ZNF410: variants seen among roughly 807,000 people sequenced by gnomAD.
The protein encoded by ZNF410 is another partner for ARF 1.
A neutral mutation model predicts 54.8 loss-of-function variants in ZNF410; 18 were observed. That is an observed-to-expected ratio of 0.33 (90% confidence interval 0.23 to 0.49). The LOEUF (loss-of-function observed/expected upper bound fraction) is 0.49, where lower values mean the gene tolerates loss of function less well. ZNF410 is among the 20% of genes least tolerant of loss of function. The pLI is 0.99. For missense variants in ZNF410, 405 were observed against 569.6 expected, an observed-to-expected ratio of 0.71 and a Z score of 2.94; for synonymous variants, 191 against 207.3, an observed-to-expected ratio of 0.92 and a Z score of 0.68.
chr14:73,893,765 G>A (rs754276863), intron 2 of ZNF410, 32 bp from the exon 3 acceptor site: 97 of 1,577,822 alleles, frequency 6.1e-5, no homozygotes, highest in African/African-American at 1.5e-4. Flanking sequence ...CTAACAACTC[G>A]TATTTCTCAG....
chr14:73,895,142 C>T (rs2055295435), intron 3 of ZNF410: 1 of 151,986 alleles, frequency 6.6e-6, no homozygotes, highest in Admixed American at 6.6e-5. Flanking sequence ...TAGAGCAACA[C>T]CCTGTCTAAA....
At chr14:73,917,939 C>T (rs1288728830) in intron 8 of ZNF410, among the ~76,000 whole-genome samples, 2 of 152,186 alleles carry the variant, frequency 1.3e-5, no homozygotes, top group Non-Finnish European at 2.9e-5. Context: ...TCCACAAATA[C>T]TCAAGTCTCT....
At chr14:73,900,369 C>A (rs1324840060) in intron 5 of ZNF410, among the ~76,000 whole-genome samples, 1 of 150,402 alleles carries the variant, frequency 6.6e-6, no homozygotes, top group East Asian at 2.0e-4. Flanking sequence ...TATACATACA[C>A]ATTTTAATTT....
At chr14:73,911,735 GA>G (rs1452504021) in intron 8 of ZNF410, among the ~76,000 whole-genome samples, 1 of 151,898 alleles carries the variant, frequency 6.6e-6, no homozygotes, top group East Asian at 1.9e-4. Context: ...TACTTGTTTC[GA>G]AAATGTCTTT....
chr14:73,887,360 C>T (rs1021073467), intron 1 of ZNF410: 1 of 152,200 alleles, frequency 6.6e-6, no homozygotes. Context: ...CCTTTCATAC[C>T]ACTTACTTTC....
chr14:73,901,915 C>T (rs1291048387), intron 5 of ZNF410, among the ~76,000 whole-genome samples: 1 of 136,452 alleles, frequency 7.3e-6, no homozygotes, highest in Non-Finnish European at 1.6e-5. Context: ...GCCTGGGCAA[C>T]AAAATGAGAC....
intron 11 of ZNF410, among the ~76,000 whole-genome samples, chr14:73,930,483 A>AT (rs765405238): frequency 1.8e-4 from 28 of 152,024 alleles, no homozygotes; most frequent in Non-Finnish European, 3.1e-4. Flanking sequence ...ATTCTACTGT[A>AT]TAAATTACCT....
chr14:73,900,027 C>G (rs762203394), intron 5 of ZNF410, among the ~76,000 whole-genome samples: 5 of 151,964 alleles, frequency 3.3e-5, no homozygotes, highest in African/African-American at 4.8e-5. Context: ...GAAATCCCGT[C>G]TCTACTAAAA....
intron 8 of ZNF410, among the ~76,000 whole-genome samples, chr14:73,919,614 G>T: frequency 6.6e-6 from 1 of 152,128 alleles, no homozygotes; most frequent in Non-Finnish European, 1.5e-5. Flanking sequence ...CAGAGGACAT[G>T]ATTTTGTTCT....
chr14:73,924,705 C>T (rs1310719610), intron 11 of ZNF410: 1 of 445,576 alleles, frequency 2.2e-6, no homozygotes, highest in African/African-American at 2.0e-5. Flanking sequence ...GAGACAGAGT[C>T]TCGCTCCGTT....
chr14:73,897,288 G>C (rs35450019), intron 4 of ZNF410, among the ~76,000 whole-genome samples: 17,166 of 152,156 alleles, frequency 0.11, 1,266 homozygotes, highest in Admixed American at 0.19. Context: ...AGGTACACTT[G>C]TTCAAGAAGC....
chr14:73,932,353 G>T lies in ZNF410; in HGVS notation c.*812G>T, dbSNP rs554513909. ...ATTTAATCTTTCCCTTTAAAATAGT[G>T]TATTGATTTACCCTTAGGATTCCAT... is the stretch of plus-strand genomic sequence containing the variant. On this transcript the variant is annotated 3_prime_UTR_variant, in exon 12 of 12. Transcript: ENST00000555044. The T allele has an allele frequency of 2.6e-6, 1 of 392,154 alleles. No homozygotes were observed. The highest frequency in any genetic ancestry group is 4.9e-6 in the Non-Finnish European group (1 of 202,624). The allele number at this position is 392,154 out of a possible 1,614,324, so 24.3% of individuals were successfully genotyped here.
chr14:73,903,482 AT>A (rs1385783193), intron 5 of ZNF410, among the ~76,000 whole-genome samples: 2 of 151,660 alleles, frequency 1.3e-5, no homozygotes, highest in Admixed American at 1.3e-4. Context: ...TTGCATTTCT[AT>A]TGTTTCATTA....
intron 2 of ZNF410, 40 bp from the exon 3 acceptor site, chr14:73,893,757 A>G: frequency 2.5e-6 from 4 of 1,572,470 alleles, no homozygotes; most frequent in Non-Finnish European, 3.4e-6. Context: ...ATACATTTCT[A>G]ACAACTCGTA....
chr14:73,911,576 C>T (rs529572732), intron 8 of ZNF410, among the ~76,000 whole-genome samples: 6 of 152,152 alleles, frequency 3.9e-5, no homozygotes, highest in South Asian at 4.2e-4. Flanking sequence ...GATTGTAGAG[C>T]GTTTTTATTT....
At chr14:73,921,301 T>C (rs977802922) in intron 9 of ZNF410, 196 bp downstream of exon 9, 20 of 554,386 alleles carry the variant, frequency 3.6e-5, no homozygotes, top group East Asian at 3.5e-5. Flanking sequence ...TTATATACTT[T>C]TTGTTGCTTG....
chr14:73,902,665 G>A lies in ZNF410; in HGVS notation c.581-1295G>A, dbSNP rs540045678. Among the ~76,000 whole-genome samples the A allele has an allele frequency of 5.3e-5, 8 of 152,194 alleles. No homozygotes were observed. In the South Asian group the frequency reaches 1.7e-3, roughly 32 times the overall value. ...ATCTTATTGCTAAGGTATATATAGT[G>A]GAAAGATACACTGCCTGCATATGCT... On this transcript the variant is annotated intron_variant, in intron 5 of 11. Transcript: ENST00000555044.
rs1195563008 is a variant in ZNF410, at chr14:73,886,927, G to C, written c.-150+12G>C. On this transcript the variant is annotated intron_variant, in intron 1 of 11. Transcript: ENST00000555044. ...CCCGGAACTGGAAGGTGAGCTCCGA[G>C]GTGGGCCTGGCCACCCCTCCTCGGT... 2 of 152,756 alleles carry C rather than the reference G, an allele frequency of 1.3e-5. No homozygotes were observed. The highest frequency in any genetic ancestry group is 1.9e-4 in the East Asian group (1 of 5,190). 9.5% of individuals were successfully genotyped at this position (152,756 alleles called of 1,614,324 possible). A position where few individuals can be genotyped will look rare whatever the true frequency, so the allele number is the denominator to read the frequency against.
At chr14:73,924,635 T>TA in intron 11 of ZNF410, 1 of 436,088 alleles carries the variant, frequency 2.3e-6, no homozygotes, top group African/African-American at 2.1e-5. Flanking sequence ...CTTTCAGTAT[T>TA]ACATTAGTTT....
Sources: allele counts gnomAD v4.1 joint callset (sites outside exome capture counted in the v4.1 genomes callset), GRCh38; gene constraint gnomAD v4.1.1; transcripts MANE v1.5; gene names NCBI Gene and HGNC (gene_info 2026-07-23, HGNC 2026-07-21).